The following FAM107B variants were observed in gnomAD, a reference collection of about 807,000 sequenced individuals.
FAM107B encodes family with sequence similarity 107 member B.
A neutral mutation model predicts 31.5 loss-of-function variants in FAM107B; 21 were observed. The ratio of observed to expected loss-of-function variants is 0.67; its 90% confidence interval spans 0.47 to 0.96. FAM107B has a LOEUF of 0.96. Ranked by LOEUF, FAM107B falls within the 40% of genes least tolerant of loss-of-function variation. The pLI is 0.00. For synonymous variants in FAM107B, 157 were observed against 141.5 expected (o/e 1.11, Z -0.78); for missense variants, 452 against 377.1 (o/e 1.20, Z -1.64).
chr10:14,525,584 C>A (rs545944057), intron 3 of FAM107B, among the ~76,000 whole-genome samples: 149 of 152,274 alleles, frequency 9.8e-4, no homozygotes, highest in Non-Finnish European at 1.5e-3. Context: ...ATTCCTGCAT[C>A]CAGAGATAAC....
intron 1 of FAM107B, among the ~76,000 whole-genome samples, chr10:14,769,029 T>C: frequency 6.6e-6 from 1 of 152,244 alleles, no homozygotes. Context: ...GTCCCCACTG[T>C]GTGTTATTGG....
chr10:14,723,419 CT>C (rs1195571010), intron 1 of FAM107B: 1 of 551,860 alleles, frequency 1.8e-6, no homozygotes, highest in Non-Finnish European at 3.5e-6. Context: ...ATCTGCTCTT[CT>C]TTTTTAATCT....
At chr10:14,533,054 C>A (rs1455065039) in intron 2 of FAM107B, among the ~76,000 whole-genome samples, 6 of 152,142 alleles carry the variant, frequency 3.9e-5, no homozygotes, top group African/African-American at 1.4e-4. Context: ...AACACCAGTG[C>A]TGGCATTCTG....
At chr10:14,571,974 T>C in intron 2 of FAM107B, 1 of 985,398 alleles carries the variant, frequency 1.0e-6, no homozygotes, top group Non-Finnish European at 1.2e-6. Context: ...AATAAAAAGA[T>C]CGCAGTAAGA....
chr10:14,686,854 T>C (rs906805110), intron 1 of FAM107B, among the ~76,000 whole-genome samples: 1 of 152,212 alleles, frequency 6.6e-6, no homozygotes, highest in African/African-American at 2.4e-5. Context: ...AATGGCCTGT[T>C]CTCCAGCCCT....
chr10:14,554,942 A>G (rs578056494), intron 2 of FAM107B, among the ~76,000 whole-genome samples: 150 of 152,332 alleles, frequency 9.8e-4, no homozygotes, highest in African/African-American at 3.5e-3. Context: ...TTTAAAGCAA[A>G]TATAGAACAA....
At chr10:14,594,738 T>C (rs1362056001) in intron 2 of FAM107B, among the ~76,000 whole-genome samples, 1 of 152,158 alleles carries the variant, frequency 6.6e-6, no homozygotes, top group Non-Finnish European at 1.5e-5. Flanking sequence ...GCACCTCTCA[T>C]GGAACTGCAT....
chr10:14,666,332 C>A (rs566858480), intron 2 of FAM107B, among the ~76,000 whole-genome samples: 11 of 152,112 alleles, frequency 7.2e-5, no homozygotes, highest in Non-Finnish European at 1.5e-4. Flanking sequence ...TGTCCTTCTT[C>A]ACATGACAGT....
intron 3 of FAM107B, chr10:14,530,103 G>A: frequency 2.2e-6 from 1 of 448,830 alleles, no homozygotes; most frequent in East Asian, 3.7e-5. Context: ...GGGAACCCGT[G>A]ACTGCAGGAG....
intron 1 of FAM107B, among the ~76,000 whole-genome samples, chr10:14,738,773 T>C (rs187266261): frequency 6.5e-4 from 99 of 152,290 alleles, no homozygotes; most frequent in South Asian, 1.2e-3. Context: ...ATCGGGCCCA[T>C]TGGGTTAGTG....
intron 1 of FAM107B, among the ~76,000 whole-genome samples, chr10:14,687,557 G>A (rs1855019584): frequency 6.7e-6 from 1 of 149,444 alleles, no homozygotes; most frequent in South Asian, 2.1e-4. Context: ...TGTTTGTGGA[G>A]TGTTCTCACC....
At chr10:14,680,270 G>C (rs1588701567) in intron 1 of FAM107B, among the ~76,000 whole-genome samples, 1 of 152,164 alleles carries the variant, frequency 6.6e-6, no homozygotes, top group East Asian at 1.9e-4. Context: ...CTAATGAGGA[G>C]ATCAGACAAA....
intron 1 of FAM107B, among the ~76,000 whole-genome samples, chr10:14,729,920 C>G (rs1856133265): frequency 6.6e-6 from 1 of 152,170 alleles, no homozygotes; most frequent in African/African-American, 2.4e-5. Context: ...CCATCATTCT[C>G]AGCAAACTAA....
chr10:14,662,080 C>T (rs772152754), intron 2 of FAM107B, among the ~76,000 whole-genome samples: 19 of 152,202 alleles, frequency 1.2e-4, no homozygotes, highest in Non-Finnish European at 2.5e-4. Flanking sequence ...CTTCCTTCTC[C>T]CTATGTGGAG....
Position 14,558,376 on chromosome 10 carries a change from CTAAT to C in FAM107B, c.470-27865_470-27862del, listed in dbSNP as rs139360990. ...AGAAGACTCAGGGTAAACAAGATAC[CTAAT>C]TAAATTATTTCACCCTGAGGTGTAA... On this transcript the variant is annotated intron_variant, in intron 2 of 4. Coordinates refer to ENST00000181796, the MANE Select transcript of FAM107B (RefSeq NM_031453.4). 2.6e-3 allele frequency among the ~76,000 whole-genome samples: 393 copies of C among 152,286 alleles called. 2 individuals are homozygous for C. The highest frequency in any genetic ancestry group is 9.0e-3 in the African/African-American group (373 of 41,534).
At chr10:14,573,290 T>C (rs1446595287) in intron 2 of FAM107B, among the ~76,000 whole-genome samples, 1 of 152,176 alleles carries the variant, frequency 6.6e-6, no homozygotes, top group Non-Finnish European at 1.5e-5. Context: ...ATGCTGTTAA[T>C]GTGGAAGTGG....
chr10:14,673,160 G>C (rs1216023410), intron 1 of FAM107B, among the ~76,000 whole-genome samples: 1 of 152,144 alleles, frequency 6.6e-6, no homozygotes, highest in African/African-American at 2.4e-5. Context: ...TGTTCTTCTA[G>C]CTATTTGAAA....
intron 2 of FAM107B, among the ~76,000 whole-genome samples, chr10:14,563,247 A>AT (rs200389630): frequency 1.3e-5 from 2 of 152,022 alleles, no homozygotes; most frequent in African/African-American, 2.4e-5. Flanking sequence ...AAAAATACTT[A>AT]TTTTTTTTCT....
intron 2 of FAM107B, among the ~76,000 whole-genome samples, chr10:14,543,822 T>C (rs560297210): frequency 1.3e-5 from 2 of 151,796 alleles, no homozygotes; most frequent in Admixed American, 1.3e-4. Context: ...ATTAGTGAAA[T>C]GTTCTGATAA....
Sources: allele counts gnomAD v4.1 joint callset (sites outside exome capture counted in the v4.1 genomes callset), GRCh38; gene constraint gnomAD v4.1.1; transcripts MANE v1.5; gene names NCBI Gene and HGNC (gene_info 2026-07-23, HGNC 2026-07-21).